The following ELOVL4 variants were observed in gnomAD, a reference collection of about 807,000 sequenced individuals.
The protein encoded by ELOVL4 is very long chain fatty acid elongase 4.
In ELOVL4, 18 loss-of-function variants were observed where a neutral mutation model predicts 42.1. The ratio of observed to expected loss-of-function variants is 0.43; its 90% CI spans 0.30 to 0.63. The LOEUF (loss-of-function observed/expected upper bound fraction) is 0.63, where lower values mean the gene tolerates loss of function less well. Among genes scored for constraint, ELOVL4 ranks in the 30% least tolerant of loss-of-function variants. ELOVL4 has a pLI of 0.15. For missense variants in ELOVL4, 299 were observed against 376.2 expected (o/e 0.79, Z 1.70); for synonymous variants, 117 against 127.0 (o/e 0.92, Z 0.53).
chr6:79,921,597 CA>C, intron 4 of ELOVL4, 27 bp downstream of exon 4: 2 of 1,606,676 alleles, frequency 1.2e-6, no homozygotes, highest in South Asian at 2.2e-5. Flanking sequence ...CAATTAAACG[CA>C]AGCAGTATAT....
At chr6:79,920,113 C>G (rs906666703) in intron 4 of ELOVL4, among the ~76,000 whole-genome samples, 7 of 152,226 alleles carry the variant, frequency 4.6e-5, no homozygotes, top group Admixed American at 4.6e-4. Context: ...ATAAAGTGAT[C>G]TAAGTCAGTT....
intron 1 of ELOVL4, among the ~76,000 whole-genome samples, chr6:79,934,526 A>G (rs1774511523): frequency 6.6e-6 from 1 of 152,052 alleles, no homozygotes. Context: ...TTCTCTCCCA[A>G]ATTTACATCT....
At chr6:79,933,456 CCT>C (rs1294364524) in intron 1 of ELOVL4, among the ~76,000 whole-genome samples, 2 of 152,052 alleles carry the variant, frequency 1.3e-5, no homozygotes, top group East Asian at 3.9e-4. Flanking sequence ...GCCCTGAACC[CCT>C]GAGCTCAAGC....
chr6:79,924,900 C>T, intron 3 of ELOVL4, 52 bp downstream of exon 3: 1 of 1,075,716 alleles, frequency 9.3e-7, no homozygotes, highest in Non-Finnish European at 1.5e-6. Context: ...AGACTGGGGC[C>T]TATAAAAATC....
At chr6:79,947,113 T>TG in intron 1 of ELOVL4, 67 bp downstream of exon 1, 1 of 1,341,180 alleles carries the variant, frequency 7.5e-7, no homozygotes. Context: ...GCCCGGGAGC[T>TG]GCGAGACCAG....
In ELOVL4 at chr6:79,938,559, T is replaced by C. The variant is rs559053013; in HGVS notation, c.100+8621A>G. ...CATAATTCACTTTGAATACACTTTT[T>C]TTAAACAATCCTACACCGTCATATG... On this transcript the variant is annotated intron_variant, in intron 1 of 5. Coordinates refer to ENST00000369816, the MANE Select transcript of ELOVL4 (RefSeq NM_022726.4). Among the ~76,000 whole-genome samples the C allele has an allele frequency of 4.3e-4, 65 of 152,358 alleles. 1 individual carries two copies. The highest frequency in any genetic ancestry group is 1.5e-3 in the African/African-American group (63 of 41,590).
At chr6:79,919,397 A>T in intron 5 of ELOVL4, 23 bp downstream of exon 5, 1 of 1,613,118 alleles carries the variant, frequency 6.2e-7, no homozygotes, top group Non-Finnish European at 8.5e-7. Flanking sequence ...TACCAGAAGA[A>T]ACTTTGGAAG....
intron 1 of ELOVL4, among the ~76,000 whole-genome samples, chr6:79,931,635 A>T (rs1475410693): frequency 6.6e-6 from 1 of 152,228 alleles, no homozygotes; most frequent in Non-Finnish European, 1.5e-5. Context: ...CATCTGGCAG[A>T]CTTGGGCCAG....
intron 1 of ELOVL4, among the ~76,000 whole-genome samples, chr6:79,932,470 G>A (rs1193278598): frequency 2.6e-5 from 4 of 151,808 alleles, no homozygotes; most frequent in Non-Finnish European, 4.4e-5. Context: ...GCTTGAATCC[G>A]GGAGGTGGAG....
At chr6:79,930,975 A>C (rs1442105875) in intron 1 of ELOVL4, among the ~76,000 whole-genome samples, 1 of 152,172 alleles carries the variant, frequency 6.6e-6, no homozygotes, top group Non-Finnish European at 1.5e-5. Context: ...AACTTCGACT[A>C]AAATCCTACC....
rs2127698536 is a variant in ELOVL4 at position 79,921,810 on chromosome 6, A to G, written c.370-14T>C. The G allele has an allele frequency of 6.2e-7, 1 of 1,613,522 alleles. No homozygotes were observed. Among genetic ancestry groups the G allele is most frequent in the Non-Finnish European group, 8.5e-7 (1 of 1,179,600 alleles). Reference sequence around the variant, plus strand: ...AGCAGCAGCTATCTGTAAAAAGGGAAAGCGTGTTATAAACACCAAAATGAC... The same window carrying G: ...AGCAGCAGCTATCTGTAAAAAGGGAGAGCGTGTTATAAACACCAAAATGAC... On this transcript the variant is annotated splice_polypyrimidine_tract_variant and intron_variant, in intron 3 of 5. Transcript: ENST00000369816.
chr6:79,935,755 T>G (rs767231050), intron 1 of ELOVL4, among the ~76,000 whole-genome samples: 5 of 152,210 alleles, frequency 3.3e-5, no homozygotes, highest in Admixed American at 6.5e-5. Context: ...TAAATACATC[T>G]AGCATTTGAT....
chr6:79,940,814 C>T (rs1490783277), intron 1 of ELOVL4, among the ~76,000 whole-genome samples: 1 of 152,064 alleles, frequency 6.6e-6, no homozygotes, highest in Admixed American at 6.6e-5. Context: ...TAATTTTATT[C>T]TTTAATATTA....
rs139230850 is a variant in ELOVL4, at chr6:79,937,937, G to A, written c.100+9243C>T. Among the ~76,000 whole-genome samples, 436 of 152,246 alleles carry A rather than the reference G, an allele frequency of 2.9e-3. 1 individual carries two copies. The highest frequency in any genetic ancestry group is 4.0e-3 in the Non-Finnish European group (274 of 68,010). ...GTAGTGAGTTTCATCATGTGCAGAC[G>A]ATATCTGGTTTCAAATTCCTGACCT... On this transcript the variant is annotated intron_variant, in intron 1 of 5. Transcript: ENST00000369816.
intron 4 of ELOVL4, among the ~76,000 whole-genome samples, 151 bp downstream of exon 4, chr6:79,921,459 CAAAAAAAAAAAAAAA>C (rs1168483827): frequency 1.7e-4 from 7 of 42,368 alleles, no homozygotes; most frequent in Admixed American, 4.3e-4. Flanking sequence ...GACTCCATCT[CAAAAAAAAAAAAAAA>C]AAAAAAAAAA....
chr6:79,927,371 A>G (rs895142826), intron 1 of ELOVL4, among the ~76,000 whole-genome samples: 9 of 152,286 alleles, frequency 5.9e-5, no homozygotes, highest in Admixed American at 2.6e-4. Context: ...TGAAGAAATA[A>G]TGTATTTTTA....
chr6:79,944,761 T>C (rs1774707558), intron 1 of ELOVL4, among the ~76,000 whole-genome samples: 2 of 152,266 alleles, frequency 1.3e-5, no homozygotes, highest in Admixed American at 6.5e-5. Flanking sequence ...GCCTACCTCA[T>C]TTCTTGCTCT....
At chr6:79,932,766 A>G (rs950409019) in intron 1 of ELOVL4, among the ~76,000 whole-genome samples, 2 of 152,210 alleles carry the variant, frequency 1.3e-5, no homozygotes, top group Admixed American at 1.3e-4. Context: ...CAACTAGCAG[A>G]GGAAGAGACA....
chr6:79,941,498 T>C (rs1774644081), intron 1 of ELOVL4, among the ~76,000 whole-genome samples: 1 of 152,222 alleles, frequency 6.6e-6, no homozygotes, highest in African/African-American at 2.4e-5. Flanking sequence ...CTTAATGGCC[T>C]GATTTACTCA....
Sources: allele counts gnomAD v4.1 joint callset (sites outside exome capture counted in the v4.1 genomes callset), GRCh38; gene constraint gnomAD v4.1.1; transcripts MANE v1.5; gene names NCBI Gene and HGNC (gene_info 2026-07-23, HGNC 2026-07-21).